TMC1: variants seen among roughly 807,000 people sequenced by gnomAD.
The protein encoded by TMC1 is transmembrane channel-like protein 1.
In TMC1, 84 loss-of-function variants were observed where a neutral mutation model predicts 105.8. The ratio of observed to expected loss-of-function variants is 0.79; its 90% CI spans 0.67 to 0.95. The LOEUF (loss-of-function observed/expected upper bound fraction) is 0.95, where lower values mean the gene tolerates loss of function less well. Among genes scored for constraint, TMC1 ranks in the 40% least tolerant of loss-of-function variants. TMC1 has a pLI of 0.00. For missense variants in TMC1, 817 were observed against 914.1 expected, an observed-to-expected ratio of 0.89 and a Z score of 1.37; for synonymous variants, 315 against 311.5, an observed-to-expected ratio of 1.01 and a Z score of -0.12.
chr9:72,687,910 G>T (rs1046447147), intron 5 of TMC1, among the ~76,000 whole-genome samples: 2 of 151,958 alleles, frequency 1.3e-5, no homozygotes, highest in Non-Finnish European at 2.9e-5. Flanking sequence ...TCCAAGGCAA[G>T]AAACCTGTGA....
At chr9:72,805,535 T>G in intron 18 of TMC1, 25 bp downstream of exon 18, 1 of 1,551,642 alleles carries the variant, frequency 6.4e-7, no homozygotes, top group Non-Finnish European at 8.7e-7. Flanking sequence ...AATTTTGCTT[T>G]TTTTTTTTTT....
At chr9:72,592,804 G>A (rs1824659779) in intron 2 of TMC1, among the ~76,000 whole-genome samples, 1 of 152,168 alleles carries the variant, frequency 6.6e-6, no homozygotes, top group African/African-American at 2.4e-5. Flanking sequence ...GGGAGATGGT[G>A]GTTGTTAAAA....
intron 5 of TMC1, among the ~76,000 whole-genome samples, chr9:72,661,066 C>T (rs546000372): frequency 5.9e-5 from 9 of 152,186 alleles, no homozygotes; most frequent in Admixed American, 1.3e-4. Context: ...GCAGGAGAAT[C>T]GCTTGAACCT....
rs189697246 is a variant in TMC1 at position 72,725,658 on chromosome 9, T to C, written c.363-14461T>C. On this transcript the variant is annotated intron_variant, in intron 8 of 23. Transcript: ENST00000297784. ...GTGCCCACCAGATTAAGGGTGCATCTGCCTTCCCCAGCCCACTGACTCAAA... is the reference window on the plus strand; with the variant it reads ...GTGCCCACCAGATTAAGGGTGCATCCGCCTTCCCCAGCCCACTGACTCAAA... 4.7e-3 allele frequency among the ~76,000 whole-genome samples: 708 copies of C among 151,934 alleles called. 3 individuals carry two copies. The highest frequency in any genetic ancestry group is 0.015 in the African/African-American group (634 of 41,474).
chr9:72,625,454 C>T (rs1016289639), intron 3 of TMC1, among the ~76,000 whole-genome samples: 10 of 151,776 alleles, frequency 6.6e-5, no homozygotes, highest in South Asian at 2.1e-4. Context: ...TTTGGGAGGC[C>T]GAGGCAGGTG....
At chr9:72,666,258 TAA>T (rs35725345) in intron 5 of TMC1, among the ~76,000 whole-genome samples, 13 of 138,580 alleles carry the variant, frequency 9.4e-5, no homozygotes, top group Non-Finnish European at 9.4e-5. Flanking sequence ...CTGTCTCTAT[TAA>T]AAAAAAAAAA....
At chr9:72,634,448 A>G (rs1387896656) in intron 4 of TMC1, among the ~76,000 whole-genome samples, 1 of 152,200 alleles carries the variant, frequency 6.6e-6, no homozygotes. Flanking sequence ...AGCAGAATTT[A>G]AGTTCTTCTC....
Position 72,740,108 on chromosome 9 carries a change from T to G in TMC1, c.363-11T>G. 4 of 1,610,142 alleles carry G rather than the reference T, an allele frequency of 2.5e-6. No individual in the cohort carries two copies. The highest frequency in any genetic ancestry group is 1.1e-5 in the South Asian group (1 of 90,994). ...CTCCTTTTATCCCTTATGTTATTTTTATTTTCTCAGGGAGGCAAAAAAATT... is the reference window on the plus strand; with the variant it reads ...CTCCTTTTATCCCTTATGTTATTTTGATTTTCTCAGGGAGGCAAAAAAATT... On this transcript the variant is annotated splice_polypyrimidine_tract_variant and intron_variant, in intron 8 of 23. Coordinates refer to ENST00000297784, the MANE Select transcript of TMC1 (RefSeq NM_138691.3).
chr9:72,813,475 C>T (rs758069807), intron 18 of TMC1, among the ~76,000 whole-genome samples: 23 of 152,098 alleles, frequency 1.5e-4, no homozygotes, highest in East Asian at 5.8e-4. Flanking sequence ...CAACCAATAA[C>T]GTATTTTTAG....
At chr9:72,522,869 C>G (rs543098125) in intron 1 of TMC1, among the ~76,000 whole-genome samples, 56 of 152,284 alleles carry the variant, frequency 3.7e-4, no homozygotes, top group Non-Finnish European at 7.1e-4. Context: ...CACTATTGGC[C>G]TTTGGGGCCT....
intron 1 of TMC1, among the ~76,000 whole-genome samples, chr9:72,576,663 G>A (rs963582200): frequency 4.1e-5 from 5 of 122,442 alleles, no homozygotes; most frequent in Non-Finnish European, 8.0e-5. Flanking sequence ...GTCTTGCTCT[G>A]TTGCCAGGCT....
chr9:72,792,760 T>G (rs1828296445), intron 17 of TMC1, among the ~76,000 whole-genome samples: 1 of 152,014 alleles, frequency 6.6e-6, no homozygotes, highest in African/African-American at 2.4e-5. Flanking sequence ...GTCTTGGGGG[T>G]GGCCAAGACA....
At chr9:72,615,939 G>A (rs1825119710) in intron 2 of TMC1, among the ~76,000 whole-genome samples, 1 of 151,970 alleles carries the variant, frequency 6.6e-6, no homozygotes, top group Middle Eastern at 3.4e-3. Flanking sequence ...ATAGAGATGG[G>A]GTTTCACCAT....
chr9:72,827,840 G>C (rs757476722), intron 21 of TMC1, among the ~76,000 whole-genome samples: 10 of 152,146 alleles, frequency 6.6e-5, no homozygotes, highest in Non-Finnish European at 1.3e-4. Flanking sequence ...TGATGCAAAG[G>C]ATTTGGTTCA....
intron 6 of TMC1, among the ~76,000 whole-genome samples, chr9:72,689,318 T>C (rs931097379): frequency 1.3e-5 from 2 of 152,228 alleles, no homozygotes; most frequent in Middle Eastern, 3.4e-3. Flanking sequence ...GTAGGTCGGA[T>C]GATTTCTTGA....
chr9:72,688,792 AT>A, intron 6 of TMC1, 36 bp downstream of exon 6: 1 of 1,546,598 alleles, frequency 6.5e-7, no homozygotes, highest in Non-Finnish European at 8.9e-7. Context: ...TACATTTCCT[AT>A]GGAATACCAG....
intron 2 of TMC1, among the ~76,000 whole-genome samples, chr9:72,605,632 G>A (rs1162716226): frequency 6.9e-6 from 1 of 145,966 alleles, no homozygotes; most frequent in African/African-American, 2.6e-5. Context: ...CTGGAGTGCA[G>A]TGGTGCAATC....
At chr9:72,694,822 G>A in intron 7 of TMC1, 108 bp downstream of exon 7, 1 of 1,094,744 alleles carries the variant, frequency 9.1e-7, no homozygotes, top group East Asian at 2.6e-5. Context: ...TTTAGAAAGA[G>A]AGCCTTAATC....
At chr9:72,694,820 G>A (rs1826522253) in intron 7 of TMC1, 106 bp downstream of exon 7, 1 of 1,107,798 alleles carries the variant, frequency 9.0e-7, no homozygotes, top group East Asian at 2.6e-5. Flanking sequence ...CTTTTAGAAA[G>A]AGAGCCTTAA....
Sources: allele counts gnomAD v4.1 joint callset (sites outside exome capture counted in the v4.1 genomes callset), GRCh38; gene constraint gnomAD v4.1.1; transcripts MANE v1.5; gene names NCBI Gene and HGNC (gene_info 2026-07-23, HGNC 2026-07-21).